The following CALN1 variants were observed in gnomAD, a reference collection of about 807,000 sequenced individuals.
The protein encoded by CALN1 is calneuron 1, also known as calcium-binding protein 8.
Under a neutral mutation model 30.6 loss-of-function variants are expected in CALN1, and 17 were observed. That is an observed-to-expected ratio of 0.56 (90% CI 0.38 to 0.83). CALN1 has a LOEUF of 0.83. CALN1 is among the 40% of genes least tolerant of loss of function. CALN1 has a pLI of 0.00. For synonymous variants in CALN1, 156 were observed against 131.4 expected, an observed-to-expected ratio of 1.19 and a Z score of -1.28; for missense variants, 291 against 354.9, an observed-to-expected ratio of 0.82 and a Z score of 1.45.
intron 5 of CALN1, among the ~76,000 whole-genome samples, chr7:71,931,687 G>A (rs1309245206): frequency 1.3e-5 from 2 of 152,214 alleles, no homozygotes; most frequent in East Asian, 3.8e-4. Context: ...CAAAGCCGTT[G>A]CTACTGAGGG....
chr7:72,319,519 T>G (rs375710758), intron 2 of CALN1, among the ~76,000 whole-genome samples: 2 of 152,138 alleles, frequency 1.3e-5, no homozygotes, highest in African/African-American at 4.8e-5. Flanking sequence ...AAAATGAGAT[T>G]TGGGTGGGGA....
intron 6 of CALN1, among the ~76,000 whole-genome samples, chr7:71,809,775 A>G (rs925334265): frequency 6.6e-6 from 1 of 151,450 alleles, no homozygotes; most frequent in Non-Finnish European, 1.5e-5. Flanking sequence ...AGAGAACCTT[A>G]TTTCTTCTGT....
chr7:72,066,063 G>A (rs898979553), intron 4 of CALN1, among the ~76,000 whole-genome samples: 2 of 152,204 alleles, frequency 1.3e-5, no homozygotes, highest in African/African-American at 4.8e-5. Context: ...ACCTGCACCT[G>A]TGCTGGAAAC....
intron 4 of CALN1, among the ~76,000 whole-genome samples, chr7:72,032,695 T>C (rs976955256): frequency 1.1e-4 from 16 of 152,184 alleles, no homozygotes; most frequent in Non-Finnish European, 2.1e-4. Flanking sequence ...CAAATGGCAA[T>C]TGTCAAAACA....
In CALN1 at chr7:72,401,482, G is replaced by A. The variant is rs77497940; in HGVS notation, c.119+1769C>T. Among the ~76,000 whole-genome samples the A allele has an allele frequency of 8.7e-3, 1,332 of 152,272 alleles. 23 individuals carry two copies. The highest frequency in any genetic ancestry group is 0.029 in the African/African-American group (1,192 of 41,538). The stretch of plus-strand genomic sequence containing the variant: ...ACAAAAACAGAAACATGTTCAGTGC[G>A]TGTGTGCGCGCACACAAATGTGTGA... On this transcript the variant is annotated intron_variant, in intron 2 of 6. Coordinates refer to ENST00000395275, the MANE Select transcript of CALN1 (RefSeq NM_031468.4).
intron 3 of CALN1, among the ~76,000 whole-genome samples, chr7:72,263,834 T>C (rs1796434570): frequency 6.6e-6 from 1 of 152,216 alleles, no homozygotes; most frequent in Non-Finnish European, 1.5e-5. Context: ...TTCCCAGGGA[T>C]AAGCATGATA....
At chr7:72,012,443 C>T (rs903864968) in intron 5 of CALN1, among the ~76,000 whole-genome samples, 1 of 152,098 alleles carries the variant, frequency 6.6e-6, no homozygotes, top group Non-Finnish European at 1.5e-5. Flanking sequence ...ACCCAGGAGG[C>T]GGAGGGTGCA....
intron 5 of CALN1, among the ~76,000 whole-genome samples, chr7:71,966,772 A>T (rs1454396120): frequency 1.3e-5 from 2 of 152,208 alleles, no homozygotes; most frequent in Non-Finnish European, 2.9e-5. Context: ...TTGGGGAGCA[A>T]GTGGTGGTCA....
intron 3 of CALN1, among the ~76,000 whole-genome samples, chr7:72,213,311 T>C (rs1451398014): frequency 2.0e-5 from 3 of 152,318 alleles, no homozygotes; most frequent in Admixed American, 2.0e-4. Flanking sequence ...TCAAGGAATT[T>C]TCTGAATTAT....
chr7:72,125,079 C>T (rs368253519), intron 3 of CALN1, among the ~76,000 whole-genome samples: 21 of 152,230 alleles, frequency 1.4e-4, no homozygotes, highest in Admixed American at 5.9e-4. Flanking sequence ...CCTGGGCTGG[C>T]GTGCAATGGT....
chr7:72,175,282 C>G (rs932787235), intron 3 of CALN1, among the ~76,000 whole-genome samples: 5 of 152,224 alleles, frequency 3.3e-5, no homozygotes, highest in African/African-American at 1.2e-4. Flanking sequence ...ACCGTGTTAG[C>G]CAGGATGGTC....
At chr7:72,080,374 C>T (rs1478566278) in intron 4 of CALN1, among the ~76,000 whole-genome samples, 3 of 152,184 alleles carry the variant, frequency 2.0e-5, no homozygotes, top group Admixed American at 1.3e-4. Flanking sequence ...TTGCAAAACC[C>T]GTGTCACAGG....
intron 3 of CALN1, among the ~76,000 whole-genome samples, chr7:72,164,943 C>CCTCAGTCT (rs3030348): frequency 0.21 from 31,158 of 151,934 alleles, 3,247 homozygotes; most frequent in East Asian, 0.29. Flanking sequence ...GATCCTCCTG[C>CCTCAGTCT]CTCAGTCTTC....
At chr7:72,036,133 G>A (rs1040132101) in intron 4 of CALN1, among the ~76,000 whole-genome samples, 6 of 152,188 alleles carry the variant, frequency 3.9e-5, no homozygotes, top group African/African-American at 1.4e-4. Context: ...TTGATTGACA[G>A]GTATTTTTTT....
chr7:72,266,354 T>C (rs993409921), intron 3 of CALN1, among the ~76,000 whole-genome samples: 1 of 152,158 alleles, frequency 6.6e-6, no homozygotes, highest in Non-Finnish European at 1.5e-5. Context: ...TATTAGATAA[T>C]TTGAATATGG....
At chr7:72,350,878 C>T (rs189620060) in intron 2 of CALN1, among the ~76,000 whole-genome samples, 4 of 152,194 alleles carry the variant, frequency 2.6e-5, no homozygotes, top group East Asian at 1.9e-4. Context: ...AGGTGGCTCA[C>T]GCCTGTAATC....
chr7:72,490,370 T>C, the CALN1 span, among the ~76,000 whole-genome samples: 1 of 152,212 alleles, frequency 6.6e-6, no homozygotes, highest in Non-Finnish European at 1.5e-5. Context: ...GAGAGGGTTA[T>C]ATAGAGCAAT....
At chr7:72,235,376 A>C (rs1333785808) in intron 3 of CALN1, among the ~76,000 whole-genome samples, 1 of 152,210 alleles carries the variant, frequency 6.6e-6, no homozygotes, top group Non-Finnish European at 1.5e-5. Context: ...ATTCCTTTAA[A>C]TACTGCATTA....
intron 1 of CALN1, among the ~76,000 whole-genome samples, chr7:72,445,747 C>A (rs1217958000): frequency 6.6e-6 from 1 of 152,158 alleles, no homozygotes; most frequent in Admixed American, 6.5e-5. Context: ...GACAGGCTGA[C>A]TTCCGGGACA....
Sources: gnomAD v4.1 joint callset for allele counts (sites outside exome capture counted in the v4.1 genomes callset) on GRCh38, gnomAD v4.1.1 for gene constraint, MANE v1.5 for transcripts, NCBI Gene and HGNC (gene_info 2026-07-23, HGNC 2026-07-21) for gene names.